Variants in PTPN13 observed in about 807,000 individuals in gnomAD.
PTPN13 encodes tyrosine-protein phosphatase non-receptor type 13.
Under a neutral mutation model 284.0 loss-of-function variants are expected in PTPN13, and 191 were observed. The observed-to-expected ratio is 0.67, with a 90% CI of 0.60 to 0.76. The LOEUF (loss-of-function observed/expected upper bound fraction) is 0.76, where lower values mean the gene tolerates loss of function less well. PTPN13 is among the 30% of genes least tolerant of loss of function. The pLI is 0.00. For synonymous variants in PTPN13, 986 were observed against 1,022.3 expected, an observed-to-expected ratio of 0.96 and a Z score of 0.68; for missense variants, 2,797 against 2,939.9, an observed-to-expected ratio of 0.95 and a Z score of 1.12.
chr4:86,629,522 A>T (rs72665777), intron 1 of PTPN13, among the ~76,000 whole-genome samples: 3 of 152,048 alleles, frequency 2.0e-5, no homozygotes, highest in Non-Finnish European at 4.4e-5. Context: ...ATTTTTTAAC[A>T]GTTCTTTCTT....
At chr4:86,705,333 CAA>C (rs759784072) in intron 7 of PTPN13, among the ~76,000 whole-genome samples, 16 of 95,314 alleles carry the variant, frequency 1.7e-4, no homozygotes, top group East Asian at 2.9e-4. Context: ...GACTCCGTCT[CAA>C]AAAAAAAAAA....
intron 45 of PTPN13, among the ~76,000 whole-genome samples, chr4:86,808,946 G>A (rs932026262): frequency 6.6e-6 from 1 of 152,130 alleles, no homozygotes; most frequent in Non-Finnish European, 1.5e-5. Flanking sequence ...GGCATTTGAG[G>A]AAAAATGTGA....
chr4:86,637,632 CT>C (rs1723186829), intron 2 of PTPN13, among the ~76,000 whole-genome samples: 1 of 151,270 alleles, frequency 6.6e-6, no homozygotes, highest in Non-Finnish European at 1.5e-5. Flanking sequence ...TTCAACAACC[CT>C]TCATGCTAAA....
At chr4:86,801,091 C>T (rs1743981773) in intron 42 of PTPN13, among the ~76,000 whole-genome samples, 1 of 152,220 alleles carries the variant, frequency 6.6e-6, no homozygotes, top group Non-Finnish European at 1.5e-5. Flanking sequence ...CGTTTCCCTT[C>T]CCTTTTTCTA....
chr4:86,787,380 G>A (rs960440563), intron 40 of PTPN13, among the ~76,000 whole-genome samples: 1 of 151,900 alleles, frequency 6.6e-6, no homozygotes, highest in Non-Finnish European at 1.5e-5. Context: ...ATCACCTGAG[G>A]TTGGGAGTTC....
At chr4:86,620,744 AT>A (rs1318169046) in intron 1 of PTPN13, among the ~76,000 whole-genome samples, 1 of 152,214 alleles carries the variant, frequency 6.6e-6, no homozygotes, top group Non-Finnish European at 1.5e-5. Flanking sequence ...AGGAAATAAT[AT>A]TTCTACCAAG....
At chr4:86,796,742 T>C (rs2149353308) in intron 40 of PTPN13, 132 bp from the exon 41 acceptor site, 1 of 617,848 alleles carries the variant, frequency 1.6e-6, no homozygotes, top group East Asian at 2.9e-5. Context: ...ATTAATTGAA[T>C]GTCATATGTG....
chr4:86,669,199 T>G (rs1298408653), intron 2 of PTPN13, among the ~76,000 whole-genome samples: 1 of 150,166 alleles, frequency 6.7e-6, no homozygotes, highest in Non-Finnish European at 1.5e-5. Flanking sequence ...ACCTAATACT[T>G]TCTATCTTGT....
In PTPN13 at chr4:86,680,233, T is replaced by A. The variant is rs1728720860; in HGVS notation, c.295-6477T>A. Among the ~76,000 whole-genome samples, 3 of 152,298 alleles carry A rather than the reference T, an allele frequency of 2.0e-5. No homozygotes were observed. The South Asian group carries it at 6.2e-4, about 32-fold the overall frequency. On this transcript the variant is annotated intron_variant, in intron 3 of 47. Coordinates refer to ENST00000411767, the MANE Select transcript of PTPN13 (RefSeq NM_080683.3). ...AAAATCCCTCTGTGCATGGAGTTTA[T>A]ATTCCAGTATGTTATAACTGTATAG...
At position 86,594,319 on chromosome 4, in the gene PTPN13, A is replaced by G. The variant is rs1763378919; in HGVS notation, c.-476A>G. The G allele has an allele frequency of 1.3e-5, 2 of 152,466 alleles. No individual in the cohort carries two copies. The highest frequency in any genetic ancestry group is 1.3e-4 in the Admixed American group (2 of 15,286). 9.4% of individuals were successfully genotyped at this position (152,466 alleles called of 1,614,324 possible). On this transcript the variant is annotated 5_prime_UTR_variant, in exon 1 of 48. Coordinates refer to ENST00000411767, the MANE Select transcript of PTPN13 (RefSeq NM_080683.3). Reference sequence around the variant, plus strand: ...GAGGTGGAGCCCCAGTGGTGCGAGTAGCTCCAGCGGCCACGCTGAGGCGAG... The same window carrying G: ...GAGGTGGAGCCCCAGTGGTGCGAGTGGCTCCAGCGGCCACGCTGAGGCGAG...
intron 42 of PTPN13, 21 bp downstream of exon 42, chr4:86,799,225 T>G (rs1273886670): frequency 1.4e-6 from 2 of 1,415,358 alleles, no homozygotes; most frequent in East Asian, 4.9e-5. Context: ...TAATGACAGT[T>G]TTTTCCTCAA....
At position 86,809,753 on chromosome 4, in the gene PTPN13, T is replaced by A. The variant is rs910038082; in HGVS notation, c.7084-16T>A. The A allele has an allele frequency of 6.2e-7, 1 of 1,604,454 alleles. No homozygotes were observed. The highest frequency in any genetic ancestry group is 1.3e-5 in the African/African-American group (1 of 74,704). ...ATAACATGTCATGATCCACTTATTC[T>A]GTTATACAATTTCAGACCAGAGAGG... On this transcript the variant is annotated splice_polypyrimidine_tract_variant and intron_variant, in intron 45 of 47. Transcript: ENST00000411767.
chr4:86,716,485 A>C (rs903250719), intron 7 of PTPN13, 45 bp from the exon 8 acceptor site: 5 of 1,096,238 alleles, frequency 4.6e-6, no homozygotes, highest in Non-Finnish European at 6.6e-6. Context: ...TATGTGGAAT[A>C]GCTAATGAGT....
At chr4:86,636,034 G>A (rs1053567167) in intron 2 of PTPN13, among the ~76,000 whole-genome samples, 1 of 152,004 alleles carries the variant, frequency 6.6e-6, no homozygotes, top group African/African-American at 2.4e-5. Flanking sequence ...AAAAAATGCA[G>A]CCATGACAAA....
chr4:86,741,937 A>G lies in PTPN13; in HGVS notation c.2487+121A>G, dbSNP rs1033550465. 1.1e-5 allele frequency: 8 copies of G among 731,860 alleles called. No individual in the cohort carries two copies. In the Admixed American group the frequency reaches 2.8e-4, roughly 26 times the overall value. 45.3% of individuals were successfully genotyped at this position (731,860 alleles called of 1,614,324 possible). ...AGTGGGGATAATACATCTTAATACT[A>G]TTTAACTCTTCCTTTGTAGTTGTGG... is the stretch of plus-strand genomic sequence containing the variant. On this transcript the variant is annotated intron_variant, in intron 16 of 47. Transcript: ENST00000411767.
At chr4:86,641,199 T>C (rs549023641) in intron 2 of PTPN13, among the ~76,000 whole-genome samples, 2 of 152,200 alleles carry the variant, frequency 1.3e-5, no homozygotes, top group Non-Finnish European at 2.9e-5. Context: ...TATGGATGAA[T>C]GGTGGTTGTC....
chr4:86,680,345 A>C (rs548183732), intron 3 of PTPN13, among the ~76,000 whole-genome samples: 188 of 134,024 alleles, frequency 1.4e-3, no homozygotes, highest in Non-Finnish European at 1.3e-3. Flanking sequence ...CTTTCTATCT[A>C]TCTCTATCTA....
intron 17 of PTPN13, among the ~76,000 whole-genome samples, chr4:86,748,671 T>A (rs10016120): frequency 0.082 from 12,434 of 152,280 alleles, 639 homozygotes; most frequent in Non-Finnish European, 0.11. Flanking sequence ...GAAATTTTTT[T>A]TTTTAATGTA....
chr4:86,723,994 G>T (rs1216626965), intron 10 of PTPN13, among the ~76,000 whole-genome samples: 1 of 152,060 alleles, frequency 6.6e-6, no homozygotes, highest in African/African-American at 2.4e-5. Context: ...GTATTCTAAG[G>T]AGAAAAAGCT....
Sources: gnomAD v4.1 joint callset for allele counts (sites outside exome capture counted in the v4.1 genomes callset) on GRCh38, gnomAD v4.1.1 for gene constraint, MANE v1.5 for transcripts, NCBI Gene and HGNC (gene_info 2026-07-23, HGNC 2026-07-21) for gene names.